The following SLC16A2 variants were observed in gnomAD, a reference collection of about 807,000 sequenced individuals.
SLC16A2 encodes the protein monocarboxylate transporter 8.
SLC16A2 carries 3 observed loss-of-function variants against 27.2 expected under a neutral mutation model. The ratio of observed to expected loss-of-function variants is 0.11; its 90% CI spans 0.05 to 0.28. The LOEUF is 0.28. SLC16A2 is among the 10% of genes least tolerant of loss of function. SLC16A2 has a pLI of 1.00. For missense variants in SLC16A2, 295 were observed against 458.5 expected (o/e 0.64, Z 3.26); for synonymous variants, 202 against 187.8 (o/e 1.08, Z -0.62).
intron 1 of SLC16A2, among the ~76,000 whole-genome samples, chrX:74,508,870 G>A (rs1180035963): frequency 9.0e-6 from 1 of 111,521 alleles, no homozygotes; most frequent in Non-Finnish European, 1.9e-5. Flanking sequence ...ACCCTCCCAC[G>A]TCTTCTTACT....
At position 74,449,475 on chromosome X, in the gene SLC16A2, A is replaced by AT. The variant is rs1255266853; in HGVS notation, c.430+27408_430+27409insT. ...ATATAACCTCCAAAGTAACTTGCATAATATATTTGCACCCTGCTGTGTTGG... is the reference window on the plus strand; with the variant it reads ...ATATAACCTCCAAAGTAACTTGCATATATATATTTGCACCCTGCTGTGTTGG... On this transcript the variant is annotated intron_variant, in intron 1 of 5. Coordinates refer to ENST00000587091, the MANE Select transcript of SLC16A2 (RefSeq NM_006517.5). 2.7e-5 allele frequency among the ~76,000 whole-genome samples: 3 copies of AT among 112,181 alleles called. No individual in the cohort carries two copies. In the East Asian group the frequency reaches 8.4e-4, roughly 32 times the overall value.
chrX:74,511,730 T>C (rs1930236978), intron 1 of SLC16A2, among the ~76,000 whole-genome samples: 2 of 112,209 alleles, frequency 1.8e-5, no homozygotes, highest in African/African-American at 3.2e-5. Flanking sequence ...AGTGTCTGAG[T>C]GCTGGAAGAA....
chrX:74,430,969 T>C (rs948399398), intron 1 of SLC16A2, among the ~76,000 whole-genome samples: 1 of 112,584 alleles, frequency 8.9e-6, no homozygotes, highest in Non-Finnish European at 1.9e-5. Flanking sequence ...CTCGAACTCT[T>C]GGACTCAAGC....
chrX:74,445,488 G>A (rs1472436817), intron 1 of SLC16A2, among the ~76,000 whole-genome samples: 1 of 108,127 alleles, frequency 9.2e-6, no homozygotes, highest in Admixed American at 9.9e-5. Context: ...AGAGAACGAT[G>A]TCTCATGTCT....
At chrX:74,498,978 C>G (rs1929982615) in intron 1 of SLC16A2, among the ~76,000 whole-genome samples, 1 of 111,901 alleles carries the variant, frequency 8.9e-6, no homozygotes, top group African/African-American at 3.3e-5. Context: ...CAGGGTTCCA[C>G]CTCCCTTCTC....
At position 74,524,731 on chromosome X, in the gene SLC16A2, C is replaced by T. The variant is rs1441771395; in HGVS notation, c.948C>T (p.Phe316=). 8.3e-7 allele frequency: 1 copy of T among 1,211,691 alleles called. No individual in the cohort carries two copies. The highest frequency in any genetic ancestry group is 1.8e-5 in the South Asian group (1 of 56,992). ...QLRKYFNMRV[F]RQRTYRIWAF... The stretch of plus-strand genomic sequence containing the variant: ...GGAAGTACTTCAACATGCGAGTGTT[C>T]CGCCAACGCACTTACCGCATCTGGG... The change falls in exon 3 of 6, where the codon TTC becomes TTT. Residue 316 remains phenylalanine (F), a synonymous_variant. Transcript: ENST00000587091.
At chrX:74,483,584 T>G (rs1381676930) in intron 1 of SLC16A2, among the ~76,000 whole-genome samples, 1 of 110,563 alleles carries the variant, frequency 9.0e-6, no homozygotes, top group African/African-American at 3.3e-5. Flanking sequence ...ATAGACTCCT[T>G]GGGGAGAGCC....
intron 1 of SLC16A2, among the ~76,000 whole-genome samples, chrX:74,503,077 T>C (rs5937832): frequency 0.53 from 56,882 of 108,047 alleles, 13,397 homozygotes; most frequent in Non-Finnish European, 0.73. Context: ...TGTACTCCTG[T>C]TCTCTCCCCA....
At chrX:74,427,661 T>C (rs1928424861) in intron 1 of SLC16A2, among the ~76,000 whole-genome samples, 1 of 112,070 alleles carries the variant, frequency 8.9e-6, no homozygotes, top group Admixed American at 9.4e-5. Flanking sequence ...TGAAAACTAC[T>C]CTTTTCAGAT....
At chrX:74,441,421 A>G (rs1928746760) in intron 1 of SLC16A2, among the ~76,000 whole-genome samples, 1 of 112,161 alleles carries the variant, frequency 8.9e-6, no homozygotes, top group Non-Finnish European at 1.9e-5. Context: ...AGCAGTCACA[A>G]TAATCCTGAT....
chrX:74,467,002 G>C (rs1929262900), intron 1 of SLC16A2, among the ~76,000 whole-genome samples: 1 of 112,026 alleles, frequency 8.9e-6, no homozygotes, highest in Non-Finnish European at 1.9e-5. Flanking sequence ...CAATTGGTGA[G>C]TTTTGTTCAA....
At chrX:74,473,541 T>G in intron 1 of SLC16A2, 10 of 702,366 alleles carry the variant, frequency 1.4e-5, no homozygotes, top group Non-Finnish European at 2.3e-5. Flanking sequence ...TCGGTCATGA[T>G]TTCAATTACT....
chrX:74,485,688 G>A (rs943323096), intron 1 of SLC16A2, among the ~76,000 whole-genome samples: 1 of 111,128 alleles, frequency 9.0e-6, no homozygotes, highest in East Asian at 2.8e-4. Flanking sequence ...TAGAAGCCAT[G>A]GGTCACAGAA....
intron 4 of SLC16A2, 54 bp downstream of exon 4, chrX:74,525,947 G>A (rs1930481564): frequency 8.6e-7 from 1 of 1,163,087 alleles, no homozygotes; most frequent in Non-Finnish European, 1.2e-6. Flanking sequence ...ACAAATGCAA[G>A]GTTATCCACA....
At chrX:74,498,527 A>C (rs1041167628) in intron 1 of SLC16A2, among the ~76,000 whole-genome samples, 80 of 109,138 alleles carry the variant, frequency 7.3e-4, no homozygotes, top group Non-Finnish European at 3.4e-4. Flanking sequence ...TCCTTGAAAA[A>C]CTCTAACCTC....
chrX:74,460,966 T>C (rs1293502056), intron 1 of SLC16A2, among the ~76,000 whole-genome samples: 1 of 112,101 alleles, frequency 8.9e-6, no homozygotes, highest in East Asian at 2.8e-4. Context: ...TCAGCAGGTT[T>C]CTAAACATTG....
intron 1 of SLC16A2, among the ~76,000 whole-genome samples, chrX:74,454,917 C>G (rs1479777842): frequency 9.1e-6 from 1 of 109,906 alleles, no homozygotes; most frequent in Non-Finnish European, 1.9e-5. Flanking sequence ...TATTGCTTCA[C>G]ATTTAGTTTT....
At chrX:74,497,125 T>C (rs1929951927) in intron 1 of SLC16A2, among the ~76,000 whole-genome samples, 1 of 111,597 alleles carries the variant, frequency 9.0e-6, no homozygotes, top group Admixed American at 9.5e-5. Flanking sequence ...GGGGAGGTCT[T>C]GGGAAATGCA....
At chrX:74,530,090 CTTT>C (rs748919451) in intron 5 of SLC16A2, among the ~76,000 whole-genome samples, 122 of 67,898 alleles carry the variant, frequency 1.8e-3, no homozygotes, top group Middle Eastern at 8.1e-3. Flanking sequence ...TTTCTTTTCT[CTTT>C]TTTTTTTTTT....
Sources: allele counts gnomAD v4.1 joint callset (sites outside exome capture counted in the v4.1 genomes callset), GRCh38; gene constraint gnomAD v4.1.1; transcripts MANE v1.5; gene names NCBI Gene and HGNC (gene_info 2026-07-23, HGNC 2026-07-21).